Variants in PRMT8 observed in about 807,000 individuals in gnomAD.
PRMT8 encodes protein arginine methyltransferase 8, also known as protein arginine N-methyltransferase 8.
A neutral mutation model predicts 47.1 loss-of-function variants in PRMT8; 7 were observed. The observed-to-expected ratio is 0.15, with a 90% CI of 0.08 to 0.28. PRMT8 has a LOEUF of 0.28. PRMT8 is among the 10% of genes least tolerant of loss of function. PRMT8 has a pLI of 1.00. For missense variants in PRMT8, 237 were observed against 505.4 expected (o/e 0.47, Z 5.09); for synonymous variants, 188 against 186.5 (o/e 1.01, Z -0.07).
intron 1 of PRMT8, among the ~76,000 whole-genome samples, chr12:3,537,634 C>T (rs1246619499): frequency 2.6e-5 from 4 of 152,140 alleles, no homozygotes; most frequent in Non-Finnish European, 5.9e-5. Flanking sequence ...TGCTGACTGG[C>T]TTATTTTTGT....
Position 3,592,371 on chromosome 12 carries a change from A to G in PRMT8, c.1101+19A>G, listed in dbSNP as rs756775027. 3.8e-6 allele frequency: 6 copies of G among 1,598,994 alleles called. No homozygotes were observed. The highest frequency in any genetic ancestry group is 5.1e-6 in the Non-Finnish European group (6 of 1,173,836). ...AAATGTGGTAAGTGCCGAGGGACAT[A>G]AGGACATAAGGGAGAAGGGCCCCAC... On this transcript the variant is annotated intron_variant, in intron 9 of 9. Transcript: ENST00000382622.
At chr12:3,539,933 T>G (rs1365144995) in intron 1 of PRMT8, among the ~76,000 whole-genome samples, 1 of 152,184 alleles carries the variant, frequency 6.6e-6, no homozygotes, top group Non-Finnish European at 1.5e-5. Context: ...GGGGGCCGTA[T>G]CCTCTTCTAG....
intron 1 of PRMT8, among the ~76,000 whole-genome samples, chr12:3,482,201 T>C (rs1010563171): frequency 1.3e-5 from 2 of 152,160 alleles, no homozygotes; most frequent in Non-Finnish European, 2.9e-5. Context: ...CAGTGTAGCA[T>C]GGACTATCCT....
In PRMT8 at chr12:3,540,616, C is replaced by CCCCCGCG; in HGVS notation, c.90_91insGCGCCCC (p.Ser31AlafsTer13). On this transcript the variant is annotated frameshift_variant, in exon 2 of 10. Transcript: ENST00000382622. LOFTEE classifies it high-confidence loss of function. ...TTCTCTTCCCCTCAGGTGAACAGCC[C>CCCCCGCG]CCCCTCCCAGCCCCCCCAGCCCGTC... The CCCCCGCG allele has an allele frequency of 3.6e-6, 4 of 1,116,934 alleles. No individual in the cohort carries two copies. The highest frequency in any genetic ancestry group is 5.4e-6 in the Non-Finnish European group (4 of 737,330). 69.2% of individuals were successfully genotyped at this position (1,116,934 alleles called of 1,614,324 possible).
In PRMT8 at chr12:3,521,267, A is replaced by T. The variant is rs529581248; in HGVS notation, c.76-19339A>T. ...ACTGGGGTCGCCCAGGCCATGTGTG[A>T]TCCAATACTCAAGAATTATGGGTGG... On this transcript the variant is annotated intron_variant, in intron 1 of 9. Transcript: ENST00000382622. Among the ~76,000 whole-genome samples the T allele has an allele frequency of 1.6e-4, 25 of 152,298 alleles. No homozygotes were observed. In the South Asian group the frequency reaches 5.0e-3, roughly 30 times the overall value.
chr12:3,474,773 A>G (rs1004278143), intron 1 of PRMT8, among the ~76,000 whole-genome samples: 5 of 151,788 alleles, frequency 3.3e-5, no homozygotes, highest in Admixed American at 2.0e-4. Flanking sequence ...CTTCCCTCTC[A>G]TGTGCTCTTC....
Position 3,577,120 on chromosome 12 carries a change from C to T in PRMT8, c.828+134C>T, listed in dbSNP as rs949652841. ...GCTGCCTTGGCCAGAGCCTGTGATG[C>T]TCCCTAAGCTCAAGTCAAAAGCTGG... On this transcript the variant is annotated intron_variant, in intron 7 of 9. Transcript: ENST00000382622. 4 of 700,058 alleles carry T rather than the reference C, an allele frequency of 5.7e-6. No individual in the cohort carries two copies. The Admixed American group carries it at 1.0e-4, about 18-fold the overall frequency. The allele number at this position is 700,058 out of a possible 1,614,324, so 43.4% of individuals were successfully genotyped here. A position where few individuals can be genotyped will look rare whatever the true frequency, so the allele number is the denominator to read the frequency against.
chr12:3,571,089 T>G (rs1866836129), intron 6 of PRMT8, among the ~76,000 whole-genome samples: 1 of 152,226 alleles, frequency 6.6e-6, no homozygotes, highest in Non-Finnish European at 1.5e-5. Flanking sequence ...ATGACATATA[T>G]TAAAGGACGT....
chr12:3,539,102 T>G (rs1367944163), intron 1 of PRMT8, among the ~76,000 whole-genome samples: 2 of 152,160 alleles, frequency 1.3e-5, no homozygotes, highest in Non-Finnish European at 2.9e-5. Context: ...AAGGAGACAG[T>G]AAGTCTGAGC....
At chr12:3,522,269 G>C (rs921752277) in intron 1 of PRMT8, among the ~76,000 whole-genome samples, 2 of 152,114 alleles carry the variant, frequency 1.3e-5, no homozygotes, top group African/African-American at 2.4e-5. Flanking sequence ...CCTCCACCCT[G>C]TCATTCCTTA....
intron 2 of PRMT8, among the ~76,000 whole-genome samples, chr12:3,547,167 T>C (rs922237188): frequency 6.6e-6 from 1 of 152,224 alleles, no homozygotes; most frequent in African/African-American, 2.4e-5. Context: ...ACTTAATGGA[T>C]ATATTATTGG....
At chr12:3,522,790 CAAAA>C (rs534813428) in intron 1 of PRMT8, among the ~76,000 whole-genome samples, 1 of 147,354 alleles carries the variant, frequency 6.8e-6, no homozygotes, top group African/African-American at 2.5e-5. Context: ...AACAAACAAA[CAAAA>C]AACAAACAAA....
At chr12:3,405,268 G>C (rs1565399933) in intron 1 of PRMT8, among the ~76,000 whole-genome samples, 1 of 152,124 alleles carries the variant, frequency 6.6e-6, no homozygotes, top group Non-Finnish European at 1.5e-5. Context: ...ACCAGCATGA[G>C]GGTAATCGCC....
At chr12:3,542,996 C>T (rs928190474) in intron 2 of PRMT8, among the ~76,000 whole-genome samples, 3 of 152,214 alleles carry the variant, frequency 2.0e-5, no homozygotes, top group Admixed American at 6.5e-5. Context: ...GACCAGTTTC[C>T]CTCAATTGTG....
chr12:3,579,134 C>T (rs1867003810), intron 7 of PRMT8, among the ~76,000 whole-genome samples: 1 of 152,198 alleles, frequency 6.6e-6, no homozygotes, highest in African/African-American at 2.4e-5. Context: ...GTACAAGGCA[C>T]TTCTGTAAAT....
Position 3,583,949 on chromosome 12 carries a change from G to A in PRMT8, c.979+741G>A, listed in dbSNP as rs1300969662. Among the ~76,000 whole-genome samples, 1 of 152,206 alleles carries A rather than the reference G, an allele frequency of 6.6e-6. No individual in the cohort carries two copies. Among genetic ancestry groups the A allele is most frequent in the African/African-American group, 2.4e-5 (1 of 41,446 alleles). The stretch of plus-strand genomic sequence containing the variant: ...AGGCCTCTTCATTCTCTGGGCCATG[G>A]CTTCTACACACACCAGCCCTTGCCT... On this transcript the variant is annotated intron_variant, in intron 8 of 9. Coordinates refer to ENST00000382622, the MANE Select transcript of PRMT8 (RefSeq NM_019854.5). This position sits in a 1 kb window ranked among gnomAD's most constrained non-coding sequence, Gnocchi z 4.7.
chr12:3,561,452 T>C (rs994626249), intron 4 of PRMT8, among the ~76,000 whole-genome samples: 6 of 152,220 alleles, frequency 3.9e-5, no homozygotes, highest in Non-Finnish European at 5.9e-5. Context: ...TTTATTCATA[T>C]TCAACACCAA....
intron 1 of PRMT8, among the ~76,000 whole-genome samples, chr12:3,527,581 G>A (rs773471099): frequency 1.3e-5 from 2 of 152,054 alleles, no homozygotes; most frequent in Non-Finnish European, 2.9e-5. Context: ...AACCTTCAAC[G>A]ATATATCACC....
chr12:3,447,504 G>A (rs945130097), intron 1 of PRMT8, among the ~76,000 whole-genome samples: 4 of 151,952 alleles, frequency 2.6e-5, no homozygotes, highest in South Asian at 4.2e-4. Context: ...AGTGCCTCTC[G>A]CACTCAGTCA....
Sources: gnomAD v4.1 joint callset for allele counts (sites outside exome capture counted in the v4.1 genomes callset) on GRCh38, gnomAD v4.1.1 for gene constraint, Gnocchi (gnomAD v3.1) non-coding constraint, MANE v1.5 for transcripts, NCBI Gene and HGNC (gene_info 2026-07-23, HGNC 2026-07-21) for gene names.